The following PPP1R13B variants were observed in gnomAD, a reference collection of about 807,000 sequenced individuals.
PPP1R13B encodes the protein protein phosphatase 1 regulatory subunit 13B, also known as apoptosis-stimulating of p53 protein 1.
PPP1R13B carries 44 observed loss-of-function variants against 119.8 expected under a neutral mutation model. The observed-to-expected ratio is 0.37, with a 90% CI of 0.29 to 0.47. The LOEUF (loss-of-function observed/expected upper bound fraction) is 0.47, where lower values mean the gene tolerates loss of function less well. Ranked by LOEUF, PPP1R13B falls within the 20% of genes least tolerant of loss-of-function variation. The probability of loss-of-function intolerance (pLI) is 0.99; values close to 1 mark genes in which losing one functional copy is unlikely to be tolerated. For missense variants in PPP1R13B, 1,227 were observed against 1,413.5 expected (o/e 0.87, Z 2.12); for synonymous variants, 542 against 561.5 (o/e 0.97, Z 0.49).
intron 4 of PPP1R13B, among the ~76,000 whole-genome samples, chr14:103,777,958 CTT>C (rs34091327): frequency 1.4e-5 from 2 of 144,396 alleles, no homozygotes; most frequent in African/African-American, 2.5e-5. Flanking sequence ...CCACATCTGA[CTT>C]TTTTTTTTTT....
At chr14:103,779,181 TG>T (rs11295713) in intron 3 of PPP1R13B, among the ~76,000 whole-genome samples, 61,222 of 151,402 alleles carry the variant, frequency 0.4, 12,536 homozygotes, top group African/African-American at 0.43. Context: ...CTCAGCTACT[TG>T]GGGGGCTGAG....
chr14:103,740,456 G>A lies in PPP1R13B; in HGVS notation c.1960C>T (p.Pro654Ser), dbSNP rs1567083453. ...GTGCTGCCATCTGCGGGGGCGGCGG[G>A]GCCATCCTGCTCAGGCTCTTTCTCA... ...STEKEPEQDG[P>S]AAPADGSTVE... The change falls in exon 12 of 17, where the codon CCC (proline) becomes TCC (serine). Residue 654 changes from proline to serine, a missense_variant. Transcript: ENST00000202556. This position sits in a 1 kb window ranked among gnomAD's most constrained non-coding sequence, Gnocchi z 4.6. The A allele has an allele frequency of 2.5e-6, 4 of 1,608,468 alleles. No individual in the cohort carries two copies. The South Asian group carries it at 3.3e-5, about 13-fold the overall frequency.
At chr14:103,794,215 C>A (rs984962071) in intron 2 of PPP1R13B, among the ~76,000 whole-genome samples, 2 of 152,128 alleles carry the variant, frequency 1.3e-5, no homozygotes, top group African/African-American at 4.8e-5. Flanking sequence ...ATGCACAGAT[C>A]CACAGTGAAA....
Position 103,742,442 on chromosome 14 carries a change from C to T in PPP1R13B, c.1321-151G>A. On this transcript the variant is annotated intron_variant, in intron 10 of 16. Coordinates refer to ENST00000202556, the MANE Select transcript of PPP1R13B (RefSeq NM_015316.3). This position sits in a 1 kb window ranked among gnomAD's most constrained non-coding sequence, Gnocchi z 4.9. Reference sequence around the variant, plus strand: ...TGGGGCACACTGTTGAGCTCATTGCCTGTCTGCAAAAGTTCTGACCGAAAG... The same window carrying T: ...TGGGGCACACTGTTGAGCTCATTGCTTGTCTGCAAAAGTTCTGACCGAAAG... 8.5e-6 allele frequency: 11 copies of T among 1,290,332 alleles called. No individual in the cohort carries two copies. Among genetic ancestry groups the T allele is most frequent in the South Asian group, 3.0e-5 (2 of 67,234 alleles). The allele number at this position is 1,290,332 out of a possible 1,614,324, so 79.9% of individuals were successfully genotyped here. A position where few individuals can be genotyped will look rare whatever the true frequency, so the allele number is the denominator to read the frequency against.
chr14:103,779,279 C>A (rs954384135), intron 3 of PPP1R13B, among the ~76,000 whole-genome samples: 1 of 151,530 alleles, frequency 6.6e-6, no homozygotes, highest in Non-Finnish European at 1.5e-5. Context: ...TGCACTCCAG[C>A]CTGGGCAACA....
At chr14:103,746,338 A>G (rs1467475360) in intron 9 of PPP1R13B, 35 bp downstream of exon 9, 2 of 1,091,202 alleles carry the variant, frequency 1.8e-6, no homozygotes, top group African/African-American at 3.6e-5. Context: ...CCTGCTCACA[A>G]ACTCTCCCCC....
chr14:103,814,517 C>T (rs1308026881), intron 1 of PPP1R13B, among the ~76,000 whole-genome samples: 1 of 152,098 alleles, frequency 6.6e-6, no homozygotes, highest in East Asian at 1.9e-4. Context: ...GTAAAAGTTT[C>T]AATGGGCTGA....
intron 11 of PPP1R13B, among the ~76,000 whole-genome samples, chr14:103,741,068 C>A (rs2084245474): frequency 6.6e-6 from 1 of 152,230 alleles, no homozygotes; most frequent in Admixed American, 6.5e-5. Flanking sequence ...GAACCCTCCC[C>A]ACAAGGGAAC....
intron 2 of PPP1R13B, among the ~76,000 whole-genome samples, chr14:103,790,781 G>T (rs2085597935): frequency 6.6e-6 from 1 of 152,216 alleles, no homozygotes; most frequent in South Asian, 2.1e-4. Context: ...AAGGCAAGCG[G>T]ATCACTTGAG....
At chr14:103,792,432 C>T (rs2085646110) in intron 2 of PPP1R13B, among the ~76,000 whole-genome samples, 1 of 152,090 alleles carries the variant, frequency 6.6e-6, no homozygotes, top group Admixed American at 6.6e-5. Flanking sequence ...CCAGCCTTGG[C>T]CTCAAGTGCT....
rs761061883 is a variant in PPP1R13B, at chr14:103,734,639, T to C, written c.*515A>G. The C allele has an allele frequency of 5.7e-5, 26 of 456,470 alleles. No individual in the cohort carries two copies. Among genetic ancestry groups the C allele is most frequent in the Non-Finnish European group, 9.3e-5 (21 of 226,854 alleles). The allele number at this position is 456,470 out of a possible 1,614,324, so 28.3% of individuals were successfully genotyped here. A position where few individuals can be genotyped will look rare whatever the true frequency, so the allele number is the denominator to read the frequency against. On this transcript the variant is annotated 3_prime_UTR_variant, in exon 17 of 17. Transcript: ENST00000202556. ...AGGCATACACACTGGGCAGCAACACTGGACATGTTTCCATACAGAGGCTCC... is the reference window on the plus strand; with the variant it reads ...AGGCATACACACTGGGCAGCAACACCGGACATGTTTCCATACAGAGGCTCC...
At chr14:103,793,050 C>T (rs1239520971) in intron 2 of PPP1R13B, among the ~76,000 whole-genome samples, 2 of 140,016 alleles carry the variant, frequency 1.4e-5, no homozygotes, top group Non-Finnish European at 3.0e-5. Flanking sequence ...CCAGCTTGGG[C>T]GACAGGGCGA....
rs147812391 is a variant in PPP1R13B at position 103,800,163 on chromosome 14, G to C, written c.10-2645C>G. 2.6e-5 allele frequency among the ~76,000 whole-genome samples: 4 copies of C among 152,176 alleles called. No individual in the cohort carries two copies. The East Asian group carries it at 7.7e-4, about 29-fold the overall frequency. Reference sequence around the variant, plus strand: ...CATTTATGTCTAATCTTTGACAAAAGGTCAGAAACAGGCCAGAAATGGTGG... The same window carrying C: ...CATTTATGTCTAATCTTTGACAAAACGTCAGAAACAGGCCAGAAATGGTGG... On this transcript the variant is annotated intron_variant, in intron 1 of 16. Coordinates refer to ENST00000202556, the MANE Select transcript of PPP1R13B (RefSeq NM_015316.3).
chr14:103,819,523 A>AC (rs1296553158), intron 1 of PPP1R13B, among the ~76,000 whole-genome samples: 1 of 151,882 alleles, frequency 6.6e-6, no homozygotes, highest in Non-Finnish European at 1.5e-5. Context: ...AAACAAAAAA[A>AC]AACAACAACA....
chr14:103,762,369 A>G (rs2084827024), intron 4 of PPP1R13B, among the ~76,000 whole-genome samples: 1 of 147,248 alleles, frequency 6.8e-6, no homozygotes. Flanking sequence ...CCTAATCTTG[A>G]TATGCTGATT....
intron 9 of PPP1R13B, 22 bp downstream of exon 9, chr14:103,746,351 G>T: frequency 7.0e-7 from 1 of 1,426,220 alleles, no homozygotes; most frequent in Non-Finnish European, 9.3e-7. Flanking sequence ...TCTCCCCCAG[G>T]AAGAGGGCCA....
intron 1 of PPP1R13B, among the ~76,000 whole-genome samples, chr14:103,816,163 CTTT>C (rs752578058): frequency 2.1e-5 from 3 of 142,684 alleles, no homozygotes; most frequent in South Asian, 2.3e-4. Flanking sequence ...ATGAAAACAA[CTTT>C]TTTTTTTTTT....
At chr14:103,751,217 AT>A (rs1193455597) in intron 7 of PPP1R13B, among the ~76,000 whole-genome samples, 1 of 152,254 alleles carries the variant, frequency 6.6e-6, no homozygotes, top group Non-Finnish European at 1.5e-5. Flanking sequence ...AAAGTTGGAA[AT>A]AAATGACATC....
chr14:103,737,905 C>A, intron 14 of PPP1R13B, 45 bp from the exon 15 acceptor site: 1 of 1,575,154 alleles, frequency 6.3e-7, no homozygotes, highest in Non-Finnish European at 8.6e-7. Context: ...CACTGCCTGT[C>A]CTGTAGGACG....
Sources: allele counts gnomAD v4.1 joint callset (sites outside exome capture counted in the v4.1 genomes callset), GRCh38; gene constraint gnomAD v4.1.1; non-coding constraint Gnocchi (gnomAD v3.1); transcripts MANE v1.5; gene names NCBI Gene and HGNC (gene_info 2026-07-23, HGNC 2026-07-21).